SHF: variants seen among roughly 807,000 people sequenced by gnomAD.
SHF encodes the protein SH2 domain-containing adapter protein F.
SHF carries 30 observed loss-of-function variants against 42.4 expected under a neutral mutation model. That is an observed-to-expected ratio of 0.71 (90% confidence interval 0.53 to 0.96). The LOEUF is 0.96. Among genes scored for constraint, SHF ranks in the 40% least tolerant of loss-of-function variants. The pLI, the probability that SHF is intolerant of heterozygous loss-of-function variation, is 0.00. For synonymous variants in SHF, 264 were observed against 269.9 expected (o/e 0.98, Z 0.21); for missense variants, 598 against 634.0 (o/e 0.94, Z 0.61).
chr15:45,200,596 C>A, intron 1 of SHF: 2 of 393,774 alleles, frequency 5.1e-6, no homozygotes, highest in Non-Finnish European at 1.0e-5. Context: ...CCTATCTCCA[C>A]CCTCGCAGCC....
At chr15:45,200,540 GC>G in intron 1 of SHF, 1 of 364,402 alleles carries the variant, frequency 2.7e-6, no homozygotes, top group Non-Finnish European at 5.4e-6. Flanking sequence ...TCTGTTGAAA[GC>G]CCCGCCCCCT....
At chr15:45,191,591 C>T (rs573892187), upstream of SHF, among the ~76,000 whole-genome samples, 131 of 152,286 alleles carry the variant, frequency 8.6e-4, no homozygotes, top group African/African-American at 2.5e-3. Flanking sequence ...CACATGGCAT[C>T]GGTTTAACAA....
At chr15:45,188,167 G>A (rs1297388662), upstream of SHF, among the ~76,000 whole-genome samples, 1 of 152,170 alleles carries the variant, frequency 6.6e-6, no homozygotes, top group Non-Finnish European at 1.5e-5. Flanking sequence ...AAGAAGTGAA[G>A]TGGGCAGCCC....
intron 1 of SHF, among the ~76,000 whole-genome samples, chr15:45,184,625 C>T (rs1191848108): frequency 8.5e-5 from 13 of 152,252 alleles, no homozygotes; most frequent in Admixed American, 8.5e-4. Flanking sequence ...TCACAGGCAG[C>T]TGAGAGCTTT....
intron 1 of SHF, 115 bp from the exon 2 acceptor site, chr15:45,178,421 A>AC (rs763900091): frequency 9.9e-6 from 12 of 1,208,134 alleles, no homozygotes; most frequent in Non-Finnish European, 1.3e-5. Context: ...TTCGACCCAG[A>AC]CCCCCAGGTA....
At chr15:45,173,525 C>T in intron 4 of SHF, 51 bp downstream of exon 4, 2 of 1,446,676 alleles carry the variant, frequency 1.4e-6, no homozygotes, top group Non-Finnish European at 1.8e-6. Flanking sequence ...ACCCACAGGG[C>T]CTGGAGGGGT....
At chr15:45,190,882 CT>C (rs1206924807), upstream of SHF, among the ~76,000 whole-genome samples, 1 of 152,140 alleles carries the variant, frequency 6.6e-6, no homozygotes, top group South Asian at 2.1e-4. Context: ...TACACTTACT[CT>C]TGTTTTAAAA....
intron 1 of SHF, chr15:45,200,499 A>G (rs1031308955): frequency 1.7e-5 from 6 of 353,324 alleles, no homozygotes; most frequent in African/African-American, 6.4e-5. Context: ...TACTAGGGAC[A>G]CAGGACCTCG....
chr15:45,172,105 G>A (rs1304597108), intron 5 of SHF, 42 bp downstream of exon 5: 6 of 1,613,916 alleles, frequency 3.7e-6, no homozygotes, highest in Non-Finnish European at 5.1e-6. Flanking sequence ...GCCAGGAGGG[G>A]AGGAGTGGGG....
In SHF at chr15:45,187,732, G is replaced by C; in HGVS notation, c.220C>G (p.Pro74Ala). The C allele has an allele frequency of 1.0e-6, 1 of 993,132 alleles. No individual in the cohort carries two copies. Among genetic ancestry groups the C allele is most frequent in the Non-Finnish European group, 1.3e-6 (1 of 774,466 alleles). The allele number at this position is 993,132 out of a possible 1,614,324, so 61.5% of individuals were successfully genotyped here. Reference protein sequence around the residue: ...GGGSKPAPPEPDYRPPAPSPA... With the variant: ...GGGSKPAPPEADYRPPAPSPA... The stretch of plus-strand genomic sequence containing the variant: ...GAGGGCGCAGGGGGGCGGTAGTCGG[G>C]CTCGGGGGGCGCCGGCTTGCTGCCC... Residue 74 changes from proline (P) to alanine (A), a missense_variant, in exon 1 of 7, where the codon CCC (proline) becomes GCC (alanine). Coordinates refer to ENST00000690270, the MANE Select transcript of SHF (RefSeq NM_001394037.1).
upstream of SHF, among the ~76,000 whole-genome samples, chr15:45,189,691 T>C (rs996821819): frequency 6.6e-6 from 1 of 152,014 alleles, no homozygotes; most frequent in Admixed American, 6.5e-5. Context: ...CACCTGGCCA[T>C]ATCTGCCTTT....
In SHF at chr15:45,167,566, G is replaced by A. The variant is rs1429867927; in HGVS notation, c.*381C>T. Reference sequence around the variant, plus strand: ...GAGAGGTGGTAAGGCGCCCCAAGGGGCCGAATTCTGCACTACCTCGCACGG... The same window carrying A: ...GAGAGGTGGTAAGGCGCCCCAAGGGACCGAATTCTGCACTACCTCGCACGG... On this transcript the variant is annotated 3_prime_UTR_variant, in exon 7 of 7. Transcript: ENST00000690270. 1 of 162,302 alleles carries A rather than the reference G, an allele frequency of 6.2e-6. No individual in the cohort carries two copies. The highest frequency in any genetic ancestry group is 2.4e-5 in the African/African-American group (1 of 41,906). The allele number at this position is 162,302 out of a possible 1,614,324, so 10.1% of individuals were successfully genotyped here. A position where few individuals can be genotyped will look rare whatever the true frequency, so the allele number is the denominator to read the frequency against.
chr15:45,167,927 A>G lies in SHF; in HGVS notation c.*20T>C. On this transcript the variant is annotated 3_prime_UTR_variant, in exon 7 of 7. Coordinates refer to ENST00000690270, the MANE Select transcript of SHF (RefSeq NM_001394037.1). ...GCACAGGGCTGGGTACAGGTCTATC[A>G]CAGTGCCCTGGCTTCACATCTAAAG... is the stretch of plus-strand genomic sequence containing the variant. 6.3e-7 allele frequency: 1 copy of G among 1,574,862 alleles called. No individual in the cohort carries two copies.
intron 6 of SHF, among the ~76,000 whole-genome samples, chr15:45,169,009 C>T (rs1295890458): frequency 6.6e-6 from 1 of 152,196 alleles, no homozygotes; most frequent in Non-Finnish European, 1.5e-5. Flanking sequence ...GTCTGTCAGG[C>T]CTCAGGTCTG....
upstream of SHF, among the ~76,000 whole-genome samples, chr15:45,191,827 G>A (rs1898714683): frequency 6.6e-6 from 1 of 151,466 alleles, no homozygotes; most frequent in African/African-American, 2.4e-5. Flanking sequence ...AGTGGTTGAA[G>A]CCTGTAATTC....
chr15:45,185,126 G>T (rs79686184), intron 1 of SHF, among the ~76,000 whole-genome samples: 309 of 152,328 alleles, frequency 2.0e-3, no homozygotes, highest in African/African-American at 7.2e-3. Flanking sequence ...TTCTCAGAGG[G>T]TTCTGACTCC....
chr15:45,197,381 G>C (rs372349636), intron 2 of SHF, among the ~76,000 whole-genome samples: 6 of 151,960 alleles, frequency 3.9e-5, no homozygotes, highest in East Asian at 3.9e-4. Flanking sequence ...ATCTCGTCCT[G>C]CCTTCAATGA....
chr15:45,190,926 G>A (rs12904079), upstream of SHF, among the ~76,000 whole-genome samples: 49,841 of 152,052 alleles, frequency 0.33, 9,248 homozygotes, highest in East Asian at 0.61. Context: ...CATTACCAGA[G>A]TATGAGCTCC....
At chr15:45,190,627 G>A (rs1271885093), upstream of SHF, among the ~76,000 whole-genome samples, 1 of 152,168 alleles carries the variant, frequency 6.6e-6, no homozygotes, top group African/African-American at 2.4e-5. Context: ...GCTTCATGCA[G>A]GACAGGAGGT....
Sources: allele counts gnomAD v4.1 joint callset (sites outside exome capture counted in the v4.1 genomes callset), GRCh38; gene constraint gnomAD v4.1.1; transcripts MANE v1.5; gene names NCBI Gene and HGNC (gene_info 2026-07-23, HGNC 2026-07-21).